The following IMPG1 variants were observed in gnomAD, a reference collection of about 807,000 sequenced individuals.
IMPG1 encodes the protein interphotoreceptor matrix proteoglycan 1.
Under a neutral mutation model 92.0 loss-of-function variants are expected in IMPG1, and 85 were observed. The ratio of observed to expected loss-of-function variants is 0.92; its 90% CI spans 0.78 to 1.11. IMPG1 has a LOEUF of 1.11. Among genes scored for constraint, IMPG1 ranks in the 50% least tolerant of loss-of-function variants. The pLI is 0.00. For synonymous variants in IMPG1, 367 were observed against 334.1 expected (o/e 1.10, Z -1.08); for missense variants, 1,022 against 956.0 (o/e 1.07, Z -0.91).
intron 4 of IMPG1, among the ~76,000 whole-genome samples, chr6:76,032,707 G>C (rs137857191): frequency 2.2e-4 from 34 of 152,294 alleles, no homozygotes; most frequent in African/African-American, 7.5e-4. Flanking sequence ...GGTGAGGTGG[G>C]ATTCCACCTG....
At chr6:76,059,698 C>T (rs138953508) in intron 1 of IMPG1, among the ~76,000 whole-genome samples, 1 of 152,306 alleles carries the variant, frequency 6.6e-6, no homozygotes, top group Non-Finnish European at 1.5e-5. Flanking sequence ...CTAACCCTCT[C>T]ACCTCAAATG....
intron 1 of IMPG1, among the ~76,000 whole-genome samples, chr6:76,071,530 A>G (rs993400872): frequency 2.6e-5 from 4 of 151,994 alleles, no homozygotes; most frequent in East Asian, 3.8e-4. Flanking sequence ...ATCACTGAGA[A>G]GTTTCATATA....
At chr6:75,968,480 C>T (rs1172804092) in intron 12 of IMPG1, among the ~76,000 whole-genome samples, 1 of 151,170 alleles carries the variant, frequency 6.6e-6, no homozygotes, top group Non-Finnish European at 1.5e-5. Flanking sequence ...TCTATCTATC[C>T]TTTTATCTTT....
At chr6:76,005,589 A>G in intron 9 of IMPG1, 55 bp from the exon 10 acceptor site, 1 of 1,574,660 alleles carries the variant, frequency 6.4e-7, no homozygotes, top group Non-Finnish European at 8.6e-7. Flanking sequence ...CATGCCTTGC[A>G]AAGAGAATCA....
intron 5 of IMPG1, chr6:76,024,835 A>G: frequency 2.8e-6 from 1 of 356,724 alleles, no homozygotes; most frequent in Non-Finnish European, 5.4e-6. Context: ...TTAGTGAACT[A>G]TAAAATATCC....
chr6:76,067,259 C>T (rs1408859540), intron 1 of IMPG1, among the ~76,000 whole-genome samples: 1 of 151,288 alleles, frequency 6.6e-6, no homozygotes, highest in Admixed American at 6.6e-5. Context: ...GTTGTTTCTT[C>T]AAAAAGCTAA....
At chr6:75,934,925 G>T (rs1371810370) in intron 14 of IMPG1, 1 of 471,004 alleles carries the variant, frequency 2.1e-6, no homozygotes, top group East Asian at 7.0e-5. Flanking sequence ...TTACTCACGT[G>T]TTGGACAGAA....
chr6:75,938,846 CAAAAA>C (rs1394512461), intron 14 of IMPG1, among the ~76,000 whole-genome samples: 32 of 149,942 alleles, frequency 2.1e-4, no homozygotes, highest in African/African-American at 7.5e-4. Flanking sequence ...CAAAACAAAA[CAAAAA>C]AATACTATAC....
At chr6:76,019,651 C>T (rs1332344103) in intron 6 of IMPG1, among the ~76,000 whole-genome samples, 1 of 152,206 alleles carries the variant, frequency 6.6e-6, no homozygotes, top group African/African-American at 2.4e-5. Context: ...ATTTAAAAGA[C>T]TTCTGATGTT....
chr6:76,036,686 T>C lies in IMPG1; in HGVS notation c.302-1899A>G, dbSNP rs137984028. ...TGAGACTCTGAGGAGAAAAGTAGAATGGAAATGTGAATGTGTGGAGAAAAA... is the reference window on the plus strand; with the variant it reads ...TGAGACTCTGAGGAGAAAAGTAGAACGGAAATGTGAATGTGTGGAGAAAAA... On this transcript the variant is annotated intron_variant, in intron 2 of 16. Coordinates refer to ENST00000369950, the MANE Select transcript of IMPG1 (RefSeq NM_001563.4). 7.7e-3 allele frequency among the ~76,000 whole-genome samples: 1,166 copies of C among 152,310 alleles called. 25 individuals carry two copies. The highest frequency in any genetic ancestry group is 0.047 in the Admixed American group (715 of 15,302).
At chr6:75,959,010 G>A (rs574712271) in intron 12 of IMPG1, among the ~76,000 whole-genome samples, 1 of 152,102 alleles carries the variant, frequency 6.6e-6, no homozygotes, top group East Asian at 1.9e-4. Flanking sequence ...TCATCTTTGT[G>A]GATTTATCTA....
intron 15 of IMPG1, among the ~76,000 whole-genome samples, chr6:75,929,298 T>C (rs912198081): frequency 6.6e-6 from 1 of 152,150 alleles, no homozygotes; most frequent in African/African-American, 2.4e-5. Context: ...TCAAATGATA[T>C]CTCCTAATTG....
At chr6:75,947,620 G>C (rs1475923920) in intron 13 of IMPG1, 87 bp from the exon 14 acceptor site, 19 of 897,180 alleles carry the variant, frequency 2.1e-5, no homozygotes, top group Non-Finnish European at 2.9e-5. Flanking sequence ...TTCATTAACC[G>C]AGACATATAT....
At chr6:76,060,858 T>A (rs1418443821) in intron 1 of IMPG1, among the ~76,000 whole-genome samples, 1 of 152,160 alleles carries the variant, frequency 6.6e-6, no homozygotes, top group Non-Finnish European at 1.5e-5. Flanking sequence ...AGGTCAGGAC[T>A]TTTAGTATGG....
At chr6:76,019,312 T>C (rs1030740069) in intron 6 of IMPG1, among the ~76,000 whole-genome samples, 4 of 152,208 alleles carry the variant, frequency 2.6e-5, no homozygotes, top group Non-Finnish European at 5.9e-5. Context: ...GAGCTCAGTT[T>C]CAAACTTGGG....
intron 12 of IMPG1, among the ~76,000 whole-genome samples, chr6:75,983,950 A>C (rs1450063547): frequency 1.3e-5 from 2 of 152,228 alleles, no homozygotes; most frequent in Admixed American, 1.3e-4. Context: ...CAAATGGCCA[A>C]CAGGTATATG....
At position 75,923,288 on chromosome 6, in the gene IMPG1, G is replaced by C. The variant is rs182984312; in HGVS notation, c.2316+346C>G. ...AGCTGATTATTATTTGAAATTGAAA[G>C]TATATAAAATTATTCAATGCCAGGA... is the stretch of plus-strand genomic sequence containing the variant. On this transcript the variant is annotated intron_variant, in intron 16 of 16. Coordinates refer to ENST00000369950, the MANE Select transcript of IMPG1 (RefSeq NM_001563.4). Among the ~76,000 whole-genome samples the C allele has an allele frequency of 3.9e-5, 6 of 152,012 alleles. No homozygotes were observed. In the East Asian group the frequency reaches 1.2e-3, roughly 29 times the overall value.
chr6:76,013,818 G>A (rs1783234079), intron 7 of IMPG1, among the ~76,000 whole-genome samples: 1 of 152,166 alleles, frequency 6.6e-6, no homozygotes, highest in South Asian at 2.1e-4. Context: ...TACATTGTTC[G>A]TGTGAAGGAC....
intron 12 of IMPG1, among the ~76,000 whole-genome samples, chr6:75,958,898 C>T (rs544388970): frequency 1.1e-4 from 16 of 152,132 alleles, no homozygotes; most frequent in Admixed American, 3.9e-4. Flanking sequence ...ACTCATTCTC[C>T]GTCCAGTTTT....
Sources: allele counts gnomAD v4.1 joint callset (sites outside exome capture counted in the v4.1 genomes callset), GRCh38; gene constraint gnomAD v4.1.1; transcripts MANE v1.5; gene names NCBI Gene and HGNC (gene_info 2026-07-23, HGNC 2026-07-21).